DDX24: variants seen among roughly 807,000 people sequenced by gnomAD.
The protein encoded by DDX24 is ATP-dependent RNA helicase DDX24.
DDX24 carries 24 observed loss-of-function variants against 68.9 expected under a neutral mutation model. That is an observed-to-expected ratio of 0.35 (90% CI 0.25 to 0.49). DDX24 has a LOEUF of 0.49. Ranked by LOEUF, DDX24 falls within the 20% of genes least tolerant of loss-of-function variation. DDX24 has a pLI of 0.99. For synonymous variants in DDX24, 395 were observed against 385.2 expected, an observed-to-expected ratio of 1.03 and a Z score of -0.30; for missense variants, 989 against 1,039.0, an observed-to-expected ratio of 0.95 and a Z score of 0.66.
chr14:94,051,442 C>T lies in DDX24; in HGVS notation c.2329G>A (p.Glu777Lys). 1 of 1,562,430 alleles carries T rather than the reference C, an allele frequency of 6.4e-7. No individual in the cohort carries two copies. The highest frequency in any genetic ancestry group is 8.6e-7 in the Non-Finnish European group (1 of 1,156,848). ...ATCTGCTTTTGTCTCCGACGTTCTTCTTGCTGGTCAGCTTTTCCTCCTTGA... is the reference window on the plus strand; with the variant it reads ...ATCTGCTTTTGTCTCCGACGTTCTTTTTGCTGGTCAGCTTTTCCTCCTTGA... ...MYKGGKADQQEERRRQKQMKV... is the reference protein window; with the variant it reads ...MYKGGKADQQKERRRQKQMKV... Residue 777 changes from glutamate (E) to lysine (K), a missense_variant, in exon 9 of 9, where the codon GAA (glutamate) becomes AAA (lysine). Glu to Lys is a moderately conservative substitution (Grantham distance 56). Transcript: ENST00000621632.
intron 2 of DDX24, among the ~76,000 whole-genome samples, chr14:94,062,944 T>C (rs191530390): frequency 1.1e-3 from 160 of 152,356 alleles, no homozygotes; most frequent in African/African-American, 3.5e-3. Flanking sequence ...CAGGAAACAG[T>C]AATCCATACA....
chr14:94,050,358 G>T lies in DDX24; in HGVS notation c.*833C>A, dbSNP rs896735169. 1 of 152,284 alleles carries T rather than the reference G, an allele frequency of 6.6e-6. No individual in the cohort carries two copies. The highest frequency in any genetic ancestry group is 1.5e-5 in the Non-Finnish European group (1 of 68,116). The allele number at this position is 152,284 out of a possible 1,614,324, so 9.4% of individuals were successfully genotyped here. On this transcript the variant is annotated 3_prime_UTR_variant, in exon 9 of 9. Transcript: ENST00000621632. ...AGGAGAAGCACTGCTTCCCCTTAGA[G>T]GCTCAGGACTAGAGGACCCATGGCA... is the stretch of plus-strand genomic sequence containing the variant.
At chr14:94,066,296 T>C (rs2141429842) in intron 2 of DDX24, among the ~76,000 whole-genome samples, 1 of 152,190 alleles carries the variant, frequency 6.6e-6, no homozygotes, top group African/African-American at 2.4e-5. Flanking sequence ...ACAACTCCAG[T>C]GACCTGGGAA....
In DDX24 at chr14:94,060,919, T is replaced by G. The variant is rs747069141; in HGVS notation, c.1391A>C (p.Gln464Pro). Residue 464 changes from glutamine to proline, a missense_variant, in exon 4 of 9, where the codon CAG becomes CCG. Physicochemically the swap from Gln to Pro is moderately conservative, Grantham distance 76. This residue lies in a region of DDX24 where 691 missense variants were observed against 760.0 expected (regional missense o/e 0.91). Transcript: ENST00000621632. ...GAGAAGTGCCATCTATTACCTGAGCTGCCGAAGGTTCCTCAAATGATAATG... is the reference window on the plus strand; with the variant it reads ...GAGAAGTGCCATCTATTACCTGAGCGGCCGAAGGTTCCTCAAATGATAATG... ...EKHYHLRNLR[Q>P]LRCLVVDEAD... is the part of the protein sequence containing the mutation. The G allele has an allele frequency of 1.1e-5, 17 of 1,614,078 alleles. No individual in the cohort carries two copies. The Admixed American group carries it at 2.8e-4, about 27-fold the overall frequency.
intron 2 of DDX24, among the ~76,000 whole-genome samples, chr14:94,064,140 C>G (rs2141428272): frequency 6.6e-6 from 1 of 152,032 alleles, no homozygotes; most frequent in South Asian, 2.1e-4. Flanking sequence ...ACTATAAACC[C>G]CAAAGCAATC....
Position 94,048,981 on chromosome 14 carries a change from ACT to A in DDX24, c.*2208_*2209del, listed in dbSNP as rs1885336987. 1 of 152,218 alleles carries A rather than the reference ACT, an allele frequency of 6.6e-6. No homozygotes were observed. The highest frequency in any genetic ancestry group is 6.5e-5 in the Admixed American group (1 of 15,286). 9.4% of individuals were successfully genotyped at this position (152,218 alleles called of 1,614,324 possible). A position where few individuals can be genotyped will look rare whatever the true frequency, so the allele number is the denominator to read the frequency against. On this transcript the variant is annotated 3_prime_UTR_variant, in exon 9 of 9. Transcript: ENST00000621632. Reference sequence around the variant, plus strand: ...CTGGGTACCTGGCATGCAGCCAAGAACTCTGCTTTTCCGTGGTGCTTATGTAT... The same window carrying A: ...CTGGGTACCTGGCATGCAGCCAAGAACTGCTTTTCCGTGGTGCTTATGTAT...
chr14:94,060,130 G>A lies in DDX24; in HGVS notation c.1881C>T (p.Leu627=), dbSNP rs768341560. 1.9e-6 allele frequency: 3 copies of A among 1,613,594 alleles called. No individual in the cohort carries two copies. The highest frequency in any genetic ancestry group is 1.1e-5 in the South Asian group (1 of 91,070). The change falls in exon 5 of 9, where the codon CTC becomes CTT. Residue 627 remains leucine, a synonymous_variant. Transcript: ENST00000621632. ...LHACMHQKQR[L]RNLEQFARLE... Reference sequence around the variant, plus strand: ...GACGGGCAAACTGCTCCAGGTTTCTGAGCCTCTGCTTCTGGTGCATACAGG... The same window carrying A: ...GACGGGCAAACTGCTCCAGGTTTCTAAGCCTCTGCTTCTGGTGCATACAGG...
chr14:94,071,145 A>C (rs1885818686), intron 2 of DDX24, among the ~76,000 whole-genome samples: 1 of 152,184 alleles, frequency 6.6e-6, no homozygotes. Flanking sequence ...AATCTACAGC[A>C]AACTCAAACA....
chr14:94,079,758 G>T lies in DDX24; in HGVS notation c.-5-11C>A. On this transcript the variant is annotated splice_polypyrimidine_tract_variant and intron_variant, in intron 1 of 8. Transcript: ENST00000621632. The stretch of plus-strand genomic sequence containing the variant: ...TCAACTTCATGGTTGCTGAAAAGGA[G>T]ATACATGTTCTATTAGGTTGGTGTC... 2.5e-6 allele frequency: 4 copies of T among 1,608,902 alleles called. No individual in the cohort carries two copies. Among genetic ancestry groups the T allele is most frequent in the Non-Finnish European group, 3.4e-6 (4 of 1,177,222 alleles).
intron 2 of DDX24, among the ~76,000 whole-genome samples, chr14:94,070,686 A>G (rs1023674588): frequency 6.6e-6 from 1 of 152,248 alleles, no homozygotes; most frequent in Admixed American, 6.5e-5. Flanking sequence ...AACAGAATAG[A>G]GAACCCAGAA....
rs10137258 is a variant in DDX24 at position 94,049,286 on chromosome 14, A to G, written c.*1905T>C. On this transcript the variant is annotated 3_prime_UTR_variant, in exon 9 of 9. Transcript: ENST00000621632. The stretch of plus-strand genomic sequence containing the variant: ...GGCTCAGGTGCCATTAGGGGATATT[A>G]AGCCCGCTTACTAACCCCACTGACC... 77,865 of 152,082 alleles carry G rather than the reference A, an allele frequency of 0.51. 21,333 individuals are homozygous for G. The highest frequency in any genetic ancestry group is 0.72 in the African/African-American group (29,890 of 41,460). 9.4% of individuals were successfully genotyped at this position (152,082 alleles called of 1,614,324 possible). A position where few individuals can be genotyped will look rare whatever the true frequency, so the allele number is the denominator to read the frequency against.
At chr14:94,074,765 A>G (rs1885901697) in intron 2 of DDX24, among the ~76,000 whole-genome samples, 1 of 152,244 alleles carries the variant, frequency 6.6e-6, no homozygotes, top group African/African-American at 2.4e-5. Context: ...GATAATGATC[A>G]TCTTTGCAGA....
At chr14:94,062,744 A>G in intron 2 of DDX24, 123 bp from the exon 3 acceptor site, 2 of 1,175,538 alleles carry the variant, frequency 1.7e-6, no homozygotes, top group Non-Finnish European at 2.3e-6. Context: ...ACCGACCCAA[A>G]GCTCCTCCAC....
chr14:94,068,155 A>C (rs1455095014), intron 2 of DDX24, among the ~76,000 whole-genome samples: 1 of 152,210 alleles, frequency 6.6e-6, no homozygotes, highest in Admixed American at 6.5e-5. Flanking sequence ...CTTAAAGTAA[A>C]GGGGTGGAAA....
intron 2 of DDX24, 155 bp downstream of exon 2, chr14:94,078,870 T>C (rs1409088753): frequency 1.5e-5 from 12 of 784,574 alleles, no homozygotes; most frequent in Non-Finnish European, 2.5e-5. Context: ...GAAGAGCATA[T>C]TTCAAACCAG....
At chr14:94,066,925 C>T (rs576000623) in intron 2 of DDX24, among the ~76,000 whole-genome samples, 5 of 152,270 alleles carry the variant, frequency 3.3e-5, no homozygotes, top group African/African-American at 9.6e-5. Flanking sequence ...CAAAACAAGG[C>T]TCTTCAACAG....
chr14:94,051,728 C>T (rs189678635), intron 8 of DDX24: 23 of 389,154 alleles, frequency 5.9e-5, no homozygotes, highest in Admixed American at 2.2e-4. Flanking sequence ...GATGAGGCAA[C>T]TCAGGGTTAG....
At chr14:94,065,713 C>T (rs71431618) in intron 2 of DDX24, among the ~76,000 whole-genome samples, 6 of 152,220 alleles carry the variant, frequency 3.9e-5, no homozygotes, top group African/African-American at 4.8e-5. Context: ...AGGCTCTCCT[C>T]TCCCAAACAC....
At chr14:94,066,130 C>T (rs2144305) in intron 2 of DDX24, among the ~76,000 whole-genome samples, 76,610 of 151,934 alleles carry the variant, frequency 0.5, 20,357 homozygotes, top group African/African-American at 0.68. Context: ...GCCCTCCTCC[C>T]GGAAACAGAC....
Sources: allele counts gnomAD v4.1 joint callset (sites outside exome capture counted in the v4.1 genomes callset), GRCh38; gene constraint gnomAD v4.1.1; regional missense constraint gnomAD v4.1.1; transcripts MANE v1.5; gene names NCBI Gene and HGNC (gene_info 2026-07-23, HGNC 2026-07-21).